ZNF420: variants seen among roughly 807,000 people sequenced by gnomAD.
The protein encoded by ZNF420 is zinc finger protein 420.
Under a neutral mutation model 44.7 loss-of-function variants are expected in ZNF420, and 31 were observed. The observed-to-expected ratio is 0.69, with a 90% CI of 0.52 to 0.94. The LOEUF is 0.94. Ranked by LOEUF, ZNF420 falls within the 40% of genes least tolerant of loss-of-function variation. ZNF420 has a pLI of 0.00. For synonymous variants in ZNF420, 245 were observed against 267.4 expected (o/e 0.92, Z 0.82); for missense variants, 681 against 827.9 (o/e 0.82, Z 2.18).
At chr19:37,119,429 C>A (rs984314719) in intron 4 of ZNF420, among the ~76,000 whole-genome samples, 6 of 152,176 alleles carry the variant, frequency 3.9e-5, no homozygotes, top group African/African-American at 1.4e-4. Flanking sequence ...CCAATGAGAA[C>A]AAAGACACAA....
At chr19:37,012,953 T>C (rs2074583454) in intron 1 of ZNF420, among the ~76,000 whole-genome samples, 1 of 152,120 alleles carries the variant, frequency 6.6e-6, no homozygotes, top group South Asian at 2.1e-4. Context: ...TAAGCCTGTC[T>C]TTGTTGAGCC....
At chr19:37,112,980 C>T (rs533366712) in intron 4 of ZNF420, among the ~76,000 whole-genome samples, 5 of 152,174 alleles carry the variant, frequency 3.3e-5, no homozygotes, top group East Asian at 3.9e-4. Flanking sequence ...CGCTTGTGGC[C>T]GGGGACAGTT....
intron 1 of ZNF420, among the ~76,000 whole-genome samples, chr19:37,011,910 A>G (rs1468587407): frequency 6.6e-6 from 1 of 152,126 alleles, no homozygotes; most frequent in Non-Finnish European, 1.5e-5. Flanking sequence ...TGGAAGCGGA[A>G]CAGGCCACTG....
intron 4 of ZNF420, among the ~76,000 whole-genome samples, chr19:37,099,914 T>C (rs1186803491): frequency 6.6e-6 from 1 of 152,120 alleles, no homozygotes; most frequent in Non-Finnish European, 1.5e-5. Flanking sequence ...TGAGCCACCA[T>C]GCCCAGGCTG....
chr19:37,121,324 A>G lies in ZNF420; in HGVS notation c.137-5804A>G, dbSNP rs548241345. 1.6e-4 allele frequency among the ~76,000 whole-genome samples: 23 copies of G among 147,772 alleles called. 1 individual carries two copies. Among genetic ancestry groups the G allele is most frequent in the Non-Finnish European group, 2.8e-4 (19 of 66,982 alleles). ...AGAGCCCTCAGAAATAATGCCGCAT[A>G]TCTACAACTATCTGATCTTTGACAA... On this transcript the variant is annotated intron_variant, in intron 4 of 4. Coordinates refer to ENST00000337995, the MANE Select transcript of ZNF420 (RefSeq NM_144689.5).
intron 4 of ZNF420, among the ~76,000 whole-genome samples, chr19:37,093,429 G>A (rs1969266735): frequency 6.6e-6 from 1 of 152,038 alleles, no homozygotes; most frequent in South Asian, 2.1e-4. Context: ...CACCTTGTTG[G>A]CCAGACTGGT....
intron 1 of ZNF420, among the ~76,000 whole-genome samples, chr19:37,056,981 C>A (rs1383704215): frequency 6.6e-6 from 1 of 152,276 alleles, no homozygotes; most frequent in African/African-American, 2.4e-5. Context: ...CAGCGGAGCG[C>A]GAGTCGGCCT....
chr19:37,033,868 T>G (rs1967306464), intron 1 of ZNF420, among the ~76,000 whole-genome samples: 1 of 152,194 alleles, frequency 6.6e-6, no homozygotes. Context: ...GCGATTCTGC[T>G]GCCTCAGCCT....
intron 1 of ZNF420, among the ~76,000 whole-genome samples, chr19:37,022,386 C>A (rs575334976): frequency 3.9e-4 from 59 of 152,118 alleles, no homozygotes; most frequent in African/African-American, 1.3e-3. Flanking sequence ...ACACTTTTGA[C>A]ATTTTAAAAA....
intron 3 of ZNF420, 145 bp from the exon 4 acceptor site, chr19:37,090,850 G>A: frequency 1.5e-6 from 1 of 682,092 alleles, no homozygotes; most frequent in Non-Finnish European, 2.2e-6. Context: ...AACCTAGGAG[G>A]CGGAGGTTGC....
chr19:37,071,462 T>C (rs926278458), intron 1 of ZNF420, among the ~76,000 whole-genome samples: 1 of 152,158 alleles, frequency 6.6e-6, no homozygotes, highest in Non-Finnish European at 1.5e-5. Flanking sequence ...GAAAAGGGGA[T>C]AGAAATGGGA....
Position 37,089,112 on chromosome 19 carries a change from A to G in ZNF420, c.-7A>G. 1 of 1,612,536 alleles carries G rather than the reference A, an allele frequency of 6.2e-7. No homozygotes were observed. Among genetic ancestry groups the G allele is most frequent in the African/African-American group, 1.3e-5 (1 of 75,012 alleles). ...AGGACTGATCATTTCTTGCAGCTCT[A>G]AAAACCATGGCTCGGGTAAATTGGA... is the stretch of plus-strand genomic sequence containing the variant. On this transcript the variant is annotated 5_prime_UTR_variant, in exon 3 of 5. The change abolishes the stop of an existing upstream ORF in the 5' untranslated region. Coordinates refer to ENST00000337995, the MANE Select transcript of ZNF420 (RefSeq NM_144689.5).
intron 4 of ZNF420, among the ~76,000 whole-genome samples, chr19:37,116,256 G>T (rs1970674128): frequency 6.6e-6 from 1 of 150,880 alleles, no homozygotes; most frequent in Non-Finnish European, 1.5e-5. Context: ...GGGATTCCCA[G>T]CTACCTTGGA....
At chr19:37,056,526 G>A (rs1447912845) in intron 1 of ZNF420, among the ~76,000 whole-genome samples, 3 of 152,262 alleles carry the variant, frequency 2.0e-5, no homozygotes, top group Middle Eastern at 3.4e-3. Context: ...GTGTCTTCTC[G>A]CAGGAGCCCC....
intron 1 of ZNF420, among the ~76,000 whole-genome samples, chr19:37,009,551 G>A (rs558467757): frequency 6.6e-6 from 1 of 152,254 alleles, no homozygotes; most frequent in African/African-American, 2.4e-5. Flanking sequence ...GCTCCACCTC[G>A]GACTCACCCC....
intron 1 of ZNF420, among the ~76,000 whole-genome samples, chr19:37,060,271 C>T (rs1032793907): frequency 6.6e-6 from 1 of 152,152 alleles, no homozygotes; most frequent in Admixed American, 6.5e-5. Flanking sequence ...CTCCTCGCGT[C>T]TCTTCTCTGA....
chr19:37,063,802 AT>A (rs1314288509), intron 1 of ZNF420, among the ~76,000 whole-genome samples: 2 of 152,132 alleles, frequency 1.3e-5, no homozygotes, highest in Non-Finnish European at 2.9e-5. Flanking sequence ...AGAAATTAAC[AT>A]TTATTTGTTA....
In ZNF420 at chr19:37,024,671, A is replaced by T. The variant is rs1298950984; in HGVS notation, c.-125+16589A>T. Among the ~76,000 whole-genome samples the T allele has an allele frequency of 2.6e-5, 4 of 152,074 alleles. No homozygotes were observed. In the East Asian group the frequency reaches 7.7e-4, roughly 29 times the overall value. On this transcript the variant is annotated intron_variant, in intron 1 of 4. Transcript: ENST00000587029. The stretch of plus-strand genomic sequence containing the variant: ...CACTATGTTGGCTAGGCTGGTCTCG[A>T]ACTCCTGACCTCAGGTGATCCACCC...
At position 37,038,949 on chromosome 19, in the gene ZNF420, G is replaced by A. The variant is rs566546275; in HGVS notation, c.-125+30867G>A. Among the ~76,000 whole-genome samples the A allele has an allele frequency of 1.2e-4, 18 of 151,614 alleles. No homozygotes were observed. In the South Asian group the frequency reaches 2.7e-3, roughly 23 times the overall value. Reference sequence around the variant, plus strand: ...TGCAGTGAGTCGAGAACGCACCATTGCACTCCAGCCTGGACAACAACAATG... The same window carrying A: ...TGCAGTGAGTCGAGAACGCACCATTACACTCCAGCCTGGACAACAACAATG... On this transcript the variant is annotated intron_variant, in intron 1 of 4. Coordinates refer to the ZNF420 transcript ENST00000587029.
Sources: gnomAD v4.1 joint callset for allele counts (sites outside exome capture counted in the v4.1 genomes callset) on GRCh38, gnomAD v4.1.1 for gene constraint, MANE v1.5 for transcripts, NCBI Gene and HGNC (gene_info 2026-07-23, HGNC 2026-07-21) for gene names.